FANK1: variants seen among roughly 807,000 people sequenced by gnomAD.
FANK1 encodes the protein fibronectin type III and ankyrin repeat domains 1, also known as fibronectin type 3 and ankyrin repeat domains protein 1.
In FANK1, 44 loss-of-function variants were observed where a neutral mutation model predicts 45.3. The ratio of observed to expected loss-of-function variants is 0.97; its 90% confidence interval spans 0.76 to 1.25. The LOEUF (loss-of-function observed/expected upper bound fraction) is 1.25. Ranked by LOEUF, FANK1 falls within the 50% of genes most tolerant of loss-of-function variation. The pLI, the probability that FANK1 is intolerant of heterozygous loss-of-function variation, is 0.00. For synonymous variants in FANK1, 149 were observed against 152.5 expected, an observed-to-expected ratio of 0.98 and a Z score of 0.17; for missense variants, 391 against 424.4, an observed-to-expected ratio of 0.92 and a Z score of 0.69.
At chr10:125,959,812 T>G (rs1949807289) in intron 1 of FANK1, among the ~76,000 whole-genome samples, 1 of 152,234 alleles carries the variant, frequency 6.6e-6, no homozygotes, top group Non-Finnish European at 1.5e-5. Flanking sequence ...TAAAATGTTT[T>G]CCTTCCTAAA....
intron 3 of FANK1, among the ~76,000 whole-genome samples, chr10:125,991,794 T>TA (rs1951961464): frequency 2.0e-5 from 3 of 152,230 alleles, no homozygotes; most frequent in Non-Finnish European, 1.5e-5. Context: ...CTGCTTTTAA[T>TA]AAAGACTTAA....
chr10:125,980,142 G>A lies in FANK1; in HGVS notation c.14-19G>A, dbSNP rs189594556. 8.1e-6 allele frequency: 13 copies of A among 1,605,932 alleles called. No homozygotes were observed. In the African/African-American group the frequency reaches 1.2e-4, roughly 15 times the overall value. ...TATGGAAACTGGGTCCTGAAGTTCGGTGTCATTCTTTTTTTTAGAAATCAT... is the reference window on the plus strand; with the variant it reads ...TATGGAAACTGGGTCCTGAAGTTCGATGTCATTCTTTTTTTTAGAAATCAT... On this transcript the variant is annotated intron_variant, in intron 1 of 10. Transcript: ENST00000368693.
intron 1 of FANK1, among the ~76,000 whole-genome samples, chr10:125,924,618 G>A (rs1456990229): frequency 6.6e-6 from 1 of 152,118 alleles, no homozygotes; most frequent in Non-Finnish European, 1.5e-5. Flanking sequence ...CCCCAGCCTG[G>A]ACAACATGGT....
chr10:126,009,115 C>A lies in FANK1; in HGVS notation c.911C>A (p.Ala304Glu). 1 of 1,614,132 alleles carries A rather than the reference C, an allele frequency of 6.2e-7. No homozygotes were observed. The highest frequency in any genetic ancestry group is 8.5e-7 in the Non-Finnish European group (1 of 1,180,014). Residue 304 changes from alanine (A) to glutamate (E), a missense_variant, in exon 9 of 11, where the codon GCA (alanine) becomes GAA (glutamate). Ala to Glu is a moderately radical substitution (Grantham distance 107). Transcript: ENST00000368693. The part of the protein sequence containing the change: ...VQLLLDKGAD[A>E]SVKNEFGKGV... ...TTACTTCTTGACAAAGGGGCAGATG[C>A]AAGTGTAAAAAATGAGGTAAATGAG...
chr10:125,973,564 T>G, intron 1 of FANK1: 2 of 685,644 alleles, frequency 2.9e-6, no homozygotes, highest in South Asian at 6.6e-5. Flanking sequence ...TGAAATTGGT[T>G]TCTCTAAGAA....
At chr10:125,989,145 T>G in intron 3 of FANK1, 1 of 734,150 alleles carries the variant, frequency 1.4e-6, no homozygotes, top group South Asian at 1.7e-5. Flanking sequence ...GAACGAACAG[T>G]GCTGCTGCAT....
intron 1 of FANK1, among the ~76,000 whole-genome samples, chr10:125,954,685 C>G (rs1005401985): frequency 2.6e-5 from 4 of 151,974 alleles, no homozygotes; most frequent in Admixed American, 2.6e-4. Flanking sequence ...TTTGGGAGGC[C>G]AAGGTGGGCA....
chr10:125,935,735 TCTC>T (rs1475258136), intron 1 of FANK1, among the ~76,000 whole-genome samples: 2 of 152,224 alleles, frequency 1.3e-5, no homozygotes, highest in African/African-American at 4.8e-5. Flanking sequence ...TATAATATCT[TCTC>T]CTATATATTT....
chr10:125,947,254 C>T (rs1471399179), intron 1 of FANK1, among the ~76,000 whole-genome samples: 5 of 151,006 alleles, frequency 3.3e-5, no homozygotes, highest in East Asian at 2.0e-4. Flanking sequence ...ATCAAATTCA[C>T]ACATAACAAT....
intron 1 of FANK1, among the ~76,000 whole-genome samples, chr10:125,937,155 CGCTAAAAGTGGAAAT>C (rs1948157902): frequency 1.3e-5 from 2 of 152,088 alleles, no homozygotes; most frequent in Non-Finnish European, 2.9e-5. Context: ...TTGAGTGTAT[CGCTAAAAGTGGAAAT>C]GTTAGGTTAT....
rs1207218019 is a variant in FANK1 at position 125,946,240 on chromosome 10, G to A, written c.14-33921G>A. ...AGGAACGCAGTTCCTCACCAGCAACGGAACAAAGCTGGATGGAGAATGACT... is the reference window on the plus strand; with the variant it reads ...AGGAACGCAGTTCCTCACCAGCAACAGAACAAAGCTGGATGGAGAATGACT... On this transcript the variant is annotated intron_variant, in intron 1 of 10. Transcript: ENST00000368693. Among the ~76,000 whole-genome samples, 41 of 151,982 alleles carry A rather than the reference G, an allele frequency of 2.7e-4. 1 individual carries two copies. The highest frequency in any genetic ancestry group is 8.2e-4 in the African/African-American group (34 of 41,420).
At chr10:125,912,443 A>AGTGTGTGTGTGTGT (rs60956003) in intron 1 of FANK1, among the ~76,000 whole-genome samples, 2 of 147,194 alleles carry the variant, frequency 1.4e-5, no homozygotes, top group African/African-American at 5.0e-5. Context: ...GCACCACCAA[A>AGTGTGTGTGTGTGT]GTGTGTGTGT....
chr10:125,959,413 C>A (rs1194510042), intron 1 of FANK1, among the ~76,000 whole-genome samples: 561 of 74,390 alleles, frequency 7.5e-3, no homozygotes, highest in Middle Eastern at 0.03. Flanking sequence ...GACTCTGTCT[C>A]AAAAAAAAAA....
At chr10:125,952,704 C>G (rs1024581812) in intron 1 of FANK1, among the ~76,000 whole-genome samples, 1 of 151,758 alleles carries the variant, frequency 6.6e-6, no homozygotes, top group Non-Finnish European at 1.5e-5. Context: ...TTGCCTCTCT[C>G]CTGTGGAATG....
At chr10:125,898,899 T>TC (rs1447742539) in intron 1 of FANK1, among the ~76,000 whole-genome samples, 1 of 147,974 alleles carries the variant, frequency 6.8e-6, no homozygotes, top group Non-Finnish European at 1.5e-5. Context: ...GTTTTGTTGT[T>TC]TTTTTTTTTT....
chr10:125,982,757 T>C (rs1237868693), intron 2 of FANK1, among the ~76,000 whole-genome samples: 6 of 152,190 alleles, frequency 3.9e-5, no homozygotes, highest in African/African-American at 1.4e-4. Context: ...GCCAGTCAGT[T>C]ACTGAGTTCT....
chr10:125,989,215 T>G, intron 3 of FANK1: 27 of 1,460,002 alleles, frequency 1.8e-5, no homozygotes, highest in Non-Finnish European at 2.4e-5. Flanking sequence ...TTCAGCCGGC[T>G]GAGTTTTAAG....
chr10:125,968,608 C>T (rs1950312415), intron 1 of FANK1, among the ~76,000 whole-genome samples: 1 of 152,142 alleles, frequency 6.6e-6, no homozygotes, highest in Admixed American at 6.5e-5. Context: ...AGTGTATGAT[C>T]ACCACTTCTC....
At chr10:125,940,214 A>T (rs1324730821) in intron 1 of FANK1, among the ~76,000 whole-genome samples, 1 of 152,092 alleles carries the variant, frequency 6.6e-6, no homozygotes, top group South Asian at 2.1e-4. Context: ...TGCTCAGCAT[A>T]CGGAGGACCT....
Sources: allele counts gnomAD v4.1 joint callset (sites outside exome capture counted in the v4.1 genomes callset), GRCh38; gene constraint gnomAD v4.1.1; transcripts MANE v1.5; gene names NCBI Gene and HGNC (gene_info 2026-07-23, HGNC 2026-07-21).